The following PWWP2B variants were observed in gnomAD, a reference collection of about 807,000 sequenced individuals.
PWWP2B encodes the protein PWWP domain-containing protein 2B.
Under a neutral mutation model 15.5 loss-of-function variants are expected in PWWP2B, and 9 were observed. The observed-to-expected ratio is 0.58, with a 90% CI of 0.35 to 1.02. PWWP2B has a LOEUF of 1.02. Ranked by LOEUF, PWWP2B falls within the 50% of genes least tolerant of loss-of-function variation. The pLI, the probability that PWWP2B is intolerant of heterozygous loss-of-function variation, is 0.02. For synonymous variants in PWWP2B, 474 were observed against 403.6 expected, an observed-to-expected ratio of 1.17 and a Z score of -2.09; for missense variants, 864 against 865.3, an observed-to-expected ratio of 1.00 and a Z score of 0.02.
In PWWP2B at chr10:132,417,851, A is replaced by G. The variant is rs1329464731; in HGVS notation, c.*807A>G. The G allele has an allele frequency of 6.6e-6, 1 of 152,286 alleles. No homozygotes were observed. The highest frequency in any genetic ancestry group is 2.4e-5 in the African/African-American group (1 of 41,474). The allele number at this position is 152,286 out of a possible 1,614,324, so 9.4% of individuals were successfully genotyped here. ...AGACCAAAAAGAATAAAGAAAGAAA[A>G]GAAAAAAATTAATCTGCTCTTTCTT... On this transcript the variant is annotated 3_prime_UTR_variant, in exon 3 of 3. Coordinates refer to ENST00000305233, the MANE Select transcript of PWWP2B (RefSeq NM_138499.4).
At chr10:132,410,456 C>T (rs534790481) in intron 2 of PWWP2B, among the ~76,000 whole-genome samples, 2 of 152,196 alleles carry the variant, frequency 1.3e-5, no homozygotes, top group South Asian at 2.1e-4. Context: ...GTGCACTGTG[C>T]GGGAGCAGGA....
In PWWP2B at chr10:132,404,949, G is replaced by A. The variant is rs1354792234; in HGVS notation, c.449G>A (p.Arg150His). 12 of 1,592,188 alleles carry A rather than the reference G, an allele frequency of 7.5e-6. No homozygotes were observed. Among genetic ancestry groups the A allele is most frequent in the Middle Eastern group, 1.7e-4 (1 of 5,724 alleles). Residue 150 changes from arginine to histidine, a missense_variant, in exon 2 of 3, where the codon CGC becomes CAC. Physicochemically the swap from Arg to His is conservative, Grantham distance 29. This residue lies in a region of PWWP2B where 736 missense variants were observed against 687.7 expected (regional missense o/e 1.07). Coordinates refer to ENST00000305233, the MANE Select transcript of PWWP2B (RefSeq NM_138499.4). ...CAGCCGCCGCCCAGGACCATCAAGC[G>A]CACGCGGCGGCGTCTGTCCCGCAAC... ...VPQPPPRTIK[R>H]TRRRLSRNRD...
chr10:132,407,330 T>G lies in PWWP2B; in HGVS notation c.*16+1041T>G, dbSNP rs147614179. 9.3e-3 allele frequency among the ~76,000 whole-genome samples: 1,415 copies of G among 152,244 alleles called. 26 individuals carry two copies. The highest frequency in any genetic ancestry group is 0.032 in the African/African-American group (1,344 of 41,528). On this transcript the variant is annotated intron_variant, in intron 2 of 2. Coordinates refer to ENST00000305233, the MANE Select transcript of PWWP2B (RefSeq NM_138499.4). ...CTGGCTCCATGGCCTAACCACCCCA[T>G]GGATGCAGAGATTCCAGGGCCAGGG... is the stretch of plus-strand genomic sequence containing the variant.
In PWWP2B at chr10:132,405,222, G is replaced by C; in HGVS notation, c.722G>C (p.Arg241Thr). 3 of 1,599,430 alleles carry C rather than the reference G, an allele frequency of 1.9e-6. No individual in the cohort carries two copies. Among genetic ancestry groups the C allele is most frequent in the Non-Finnish European group, 2.6e-6 (3 of 1,174,340 alleles). ...AAGAGGGAGAGGCGCGAGGAGGACA[G>C]GGCCCCGGCAGAGCAGGTCCCGCGG... ...RSKRERREEDRAPAEQVPRSP... is the reference protein window; with the variant it reads ...RSKRERREEDTAPAEQVPRSP... Residue 241 changes from arginine (R) to threonine (T), a missense_variant, in exon 2 of 3, where the codon AGG (arginine) becomes ACG (threonine). Physicochemically the swap from Arg to Thr is moderately conservative, Grantham distance 71 (BLOSUM62 -1). Transcript: ENST00000305233.
chr10:132,407,796 C>T (rs1055203774), intron 2 of PWWP2B, among the ~76,000 whole-genome samples: 2 of 152,170 alleles, frequency 1.3e-5, no homozygotes, highest in Non-Finnish European at 2.9e-5. Flanking sequence ...GTGTGGGTGC[C>T]GTCTCTCAGC....
intron 2 of PWWP2B, among the ~76,000 whole-genome samples, 179 bp downstream of exon 2, chr10:132,406,468 G>A (rs1369071580): frequency 2.0e-5 from 3 of 152,250 alleles, no homozygotes; most frequent in Admixed American, 6.5e-5. Flanking sequence ...TGCCATCTGC[G>A]CTTCTGATTC....
At chr10:132,412,828 C>T (rs779360971) in intron 2 of PWWP2B, among the ~76,000 whole-genome samples, 11 of 152,312 alleles carry the variant, frequency 7.2e-5, no homozygotes, top group East Asian at 3.9e-4. Flanking sequence ...CCAGCGTGGC[C>T]GAGGAGTCCC....
chr10:132,399,535 G>T (rs1430797327), intron 1 of PWWP2B, among the ~76,000 whole-genome samples: 1 of 152,270 alleles, frequency 6.6e-6, no homozygotes, highest in Non-Finnish European at 1.5e-5. Context: ...CAGGTGGGTG[G>T]AATTGCCTGG....
At chr10:132,411,888 T>G (rs982845355) in intron 2 of PWWP2B, among the ~76,000 whole-genome samples, 1 of 152,246 alleles carries the variant, frequency 6.6e-6, no homozygotes, top group Admixed American at 6.5e-5. Flanking sequence ...ATAAAAACGC[T>G]CTTCTGCTTC....
At chr10:132,412,452 C>T (rs560466702) in intron 2 of PWWP2B, among the ~76,000 whole-genome samples, 1 of 152,308 alleles carries the variant, frequency 6.6e-6, no homozygotes, top group South Asian at 2.1e-4. Flanking sequence ...ATGGGGCTCA[C>T]TCTCTTACCA....
At chr10:132,399,109 G>A (rs553534259) in intron 1 of PWWP2B, among the ~76,000 whole-genome samples, 3 of 144,538 alleles carry the variant, frequency 2.1e-5, no homozygotes, top group East Asian at 2.0e-4. Flanking sequence ...CTTGTATTCC[G>A]AGTCCCAGGG....
In PWWP2B at chr10:132,397,215, C is replaced by G. The variant is rs1456779060; in HGVS notation, c.-12C>G. The G allele has an allele frequency of 2.7e-6, 3 of 1,095,566 alleles. No homozygotes were observed. The highest frequency in any genetic ancestry group is 5.1e-5 in the East Asian group (1 of 19,748). The allele number at this position is 1,095,566 out of a possible 1,614,324, so 67.9% of individuals were successfully genotyped here. ...GCGGCGGGGCGGGGGCGGCCTGGGA[C>G]GCGGCGGGAGCATGGAGCCGCGCGC... On this transcript the variant is annotated 5_prime_UTR_variant, in exon 1 of 3. Coordinates refer to ENST00000305233, the MANE Select transcript of PWWP2B (RefSeq NM_138499.4).
At chr10:132,397,501 G>A in intron 1 of PWWP2B, 150 bp downstream of exon 1, 2 of 957,444 alleles carry the variant, frequency 2.1e-6, no homozygotes, top group Non-Finnish European at 2.6e-6. Flanking sequence ...TTCGGGGCGC[G>A]CGAGCGCGGC....
intron 2 of PWWP2B, among the ~76,000 whole-genome samples, chr10:132,414,033 A>G (rs1257904607): frequency 1.3e-5 from 2 of 152,230 alleles, no homozygotes; most frequent in Non-Finnish European, 2.9e-5. Context: ...TGGAGGCCTC[A>G]GTGACGCAGA....
At chr10:132,398,054 G>A (rs966773241) in intron 1 of PWWP2B, among the ~76,000 whole-genome samples, 2 of 152,230 alleles carry the variant, frequency 1.3e-5, no homozygotes, top group East Asian at 1.9e-4. Context: ...TGGACACCGC[G>A]TCACATGGCA....
At chr10:132,406,315 T>TC in intron 2 of PWWP2B, 26 bp downstream of exon 2, 3 of 1,553,400 alleles carry the variant, frequency 1.9e-6, no homozygotes, top group Admixed American at 1.8e-5. Flanking sequence ...GCAGCCTCCT[T>TC]CCCCCCAGCG....
At chr10:132,397,473 T>TTTCTGCCGAGCC in intron 1 of PWWP2B, 122 bp downstream of exon 1, 1 of 1,046,624 alleles carries the variant, frequency 9.6e-7, no homozygotes, top group African/African-American at 1.7e-5. Context: ...CCGCTTTCGG[T>TTTCTGCCGAGCC]TTCTGCCGAG....
chr10:132,416,766 A>G (rs2069862706), intron 2 of PWWP2B, among the ~76,000 whole-genome samples: 1 of 152,002 alleles, frequency 6.6e-6, no homozygotes, highest in African/African-American at 2.4e-5. Context: ...CCAAGAGGCC[A>G]CAAGGCTCCA....
intron 2 of PWWP2B, among the ~76,000 whole-genome samples, chr10:132,411,656 G>A (rs2069782618): frequency 6.6e-6 from 1 of 152,236 alleles, no homozygotes; most frequent in South Asian, 2.1e-4. Context: ...TTTCTCCTGG[G>A]AAATAAAGAT....
Sources: allele counts gnomAD v4.1 joint callset (sites outside exome capture counted in the v4.1 genomes callset), GRCh38; gene constraint gnomAD v4.1.1; regional missense constraint gnomAD v4.1.1; transcripts MANE v1.5; gene names NCBI Gene and HGNC (gene_info 2026-07-23, HGNC 2026-07-21).